Variants in RPRD2 observed in about 807,000 individuals in gnomAD.
RPRD2 encodes regulation of nuclear pre-mRNA domain containing 2.
A neutral mutation model predicts 104.4 loss-of-function variants in RPRD2; 12 were observed. The ratio of observed to expected loss-of-function variants is 0.11; its 90% confidence interval spans 0.07 to 0.19. RPRD2 has a LOEUF of 0.19. Ranked by LOEUF, RPRD2 falls within the 10% of genes least tolerant of loss-of-function variation. The pLI, the probability that RPRD2 is intolerant of heterozygous loss-of-function variation, is 1.00. For synonymous variants in RPRD2, 714 were observed against 684.9 expected, an observed-to-expected ratio of 1.04 and a Z score of -0.66; for missense variants, 1,543 against 1,790.1, an observed-to-expected ratio of 0.86 and a Z score of 2.49.
chr1:150,457,650 A>T (rs1166505403), intron 8 of RPRD2, 80 bp downstream of exon 8: 1 of 1,167,422 alleles, frequency 8.6e-7, no homozygotes, highest in African/African-American at 1.5e-5. Flanking sequence ...ACAGGCAGGT[A>T]TTGAAAGATA....
chr1:150,448,603 T>C (rs1336028915), intron 7 of RPRD2, among the ~76,000 whole-genome samples: 2 of 152,238 alleles, frequency 1.3e-5, no homozygotes, highest in African/African-American at 4.8e-5. Flanking sequence ...TCTGTAAACA[T>C]TGTTCATTGC....
intron 1 of RPRD2, among the ~76,000 whole-genome samples, chr1:150,400,119 T>C (rs1553885031): frequency 2.6e-5 from 4 of 152,224 alleles, no homozygotes; most frequent in African/African-American, 9.6e-5. Flanking sequence ...TAGGTGATAA[T>C]CTAAGTCTTT....
At chr1:150,427,267 G>T (rs587727795) in intron 2 of RPRD2, among the ~76,000 whole-genome samples, 1 of 152,332 alleles carries the variant, frequency 6.6e-6, no homozygotes, top group Admixed American at 6.5e-5. Flanking sequence ...GAGGTCCGGA[G>T]ATCGAGACCA....
At position 150,437,977 on chromosome 1, in the gene RPRD2, TAAAAAA is replaced by T. The variant is rs35517552; in HGVS notation, c.336-2931_336-2926del. ...TGCTGAGATTCTTTCTGTCATTATT[TAAAAAA>T]AAAAAAAAAAAAAAGTTGAGCCAGG... is the stretch of plus-strand genomic sequence containing the variant. On this transcript the variant is annotated intron_variant, in intron 2 of 10. Coordinates refer to ENST00000369068, the MANE Select transcript of RPRD2 (RefSeq NM_015203.5). Among the ~76,000 whole-genome samples, 157 of 129,628 alleles carry T rather than the reference TAAAAAA, an allele frequency of 1.2e-3. 1 individual carries two copies. Among genetic ancestry groups the T allele is most frequent in the African/African-American group, 4.3e-3 (150 of 35,198 alleles). The allele number at this position is 129,628 out of a possible 152,430, so 85.0% of individuals were successfully genotyped here.
intron 2 of RPRD2, among the ~76,000 whole-genome samples, chr1:150,430,373 G>A (rs958135052): frequency 3.9e-5 from 6 of 152,076 alleles, no homozygotes; most frequent in South Asian, 4.1e-4. Flanking sequence ...AAGGAGTGGG[G>A]AAAATGAAAA....
At position 150,446,875 on chromosome 1, in the gene RPRD2, G is replaced by T. The variant is rs369872019; in HGVS notation, c.870+474G>T. On this transcript the variant is annotated intron_variant, in intron 7 of 10. Transcript: ENST00000369068. ...TGGAACGGAGTTTGTCGCTCTTGTT[G>T]CCCAGGCTAGAGTGCAGTGGTGCAA... 1.7e-4 allele frequency among the ~76,000 whole-genome samples: 20 copies of T among 117,156 alleles called. No individual in the cohort carries two copies. In the South Asian group the frequency reaches 3.5e-3, roughly 21 times the overall value. The allele number at this position is 117,156 out of a possible 152,430, so 76.9% of individuals were successfully genotyped here. A position where few individuals can be genotyped will look rare whatever the true frequency, so the allele number is the denominator to read the frequency against.
intron 1 of RPRD2, among the ~76,000 whole-genome samples, chr1:150,408,406 G>A (rs1195509483): frequency 4.6e-5 from 7 of 151,764 alleles, no homozygotes; most frequent in East Asian, 3.9e-4. Context: ...TATCCGCCTC[G>A]GCCTCCCAAA....
At chr1:150,423,426 G>A (rs1357714723) in intron 2 of RPRD2, among the ~76,000 whole-genome samples, 2 of 151,986 alleles carry the variant, frequency 1.3e-5, no homozygotes, top group Non-Finnish European at 2.9e-5. Context: ...CCTATCCCAG[G>A]TTTTCGTAAA....
At chr1:150,417,406 A>G (rs1037779141) in intron 1 of RPRD2, among the ~76,000 whole-genome samples, 190 bp from the exon 2 acceptor site, 1 of 152,002 alleles carries the variant, frequency 6.6e-6, no homozygotes, top group Admixed American at 6.6e-5. Flanking sequence ...CCTTCCATCC[A>G]TTAGTTCATT....
At chr1:150,424,390 A>G (rs879949513) in intron 2 of RPRD2, among the ~76,000 whole-genome samples, 10 of 151,914 alleles carry the variant, frequency 6.6e-5, no homozygotes, top group Admixed American at 4.6e-4. Context: ...CCTGGGTTCA[A>G]GCGATTCTCC....
chr1:150,376,514 T>C (rs1660702410), intron 1 of RPRD2, among the ~76,000 whole-genome samples: 1 of 151,878 alleles, frequency 6.6e-6, no homozygotes. Context: ...TTTTTTTTTT[T>C]GAGACGGAAT....
chr1:150,471,633 C>T lies in RPRD2; in HGVS notation c.2685C>T (p.Ala895=). ...CTGCCTTCCCTCCATCTGTAAGGGC[C>T]CTCCTGGACTCTAGTGAGAACTGTG... ...VKSAFPPSVR[A]LLDSSENCDR... Residue 895 remains alanine, a synonymous_variant, in exon 11 of 11, where the codon GCC becomes GCT. Coordinates refer to ENST00000369068, the MANE Select transcript of RPRD2 (RefSeq NM_015203.5). The surrounding 1 kb of genome is among the most constrained non-coding windows in gnomAD (Gnocchi z 5.3). 6.2e-7 allele frequency: 1 copy of T among 1,613,806 alleles called. No homozygotes were observed. The highest frequency in any genetic ancestry group is 1.6e-4 in the Middle Eastern group (1 of 6,062).
chr1:150,417,924 T>C (rs116344843), intron 2 of RPRD2, among the ~76,000 whole-genome samples, 199 bp downstream of exon 2: 135 of 127,268 alleles, frequency 1.1e-3, no homozygotes, highest in Middle Eastern at 3.8e-3. Context: ...CTCTCTCTCT[T>C]TCTTTCTTTC....
rs782069949 is a variant in RPRD2 at position 150,366,334 on chromosome 1, C to T, written c.205+1415C>T. The stretch of plus-strand genomic sequence containing the variant: ...GATAAAACTTGCAAAATTATAGGCC[C>T]CATGCTTCGAACTATTTGTGTTTAA... On this transcript the variant is annotated intron_variant, in intron 1 of 10. Coordinates refer to ENST00000369068, the MANE Select transcript of RPRD2 (RefSeq NM_015203.5). 1.2e-3 allele frequency among the ~76,000 whole-genome samples: 176 copies of T among 152,278 alleles called. 1 individual carries two copies. Among genetic ancestry groups the T allele is most frequent in the South Asian group, 2.7e-3 (13 of 4,822 alleles).
chr1:150,444,609 C>T (rs1231022437), intron 6 of RPRD2, among the ~76,000 whole-genome samples: 1 of 152,178 alleles, frequency 6.6e-6, no homozygotes, highest in Non-Finnish European at 1.5e-5. Flanking sequence ...TTGTATTTCA[C>T]ATGTATGGTT....
rs782120694 is a variant in RPRD2 at position 150,461,192 on chromosome 1, G to A, written c.1411+875G>A. 9.9e-5 allele frequency among the ~76,000 whole-genome samples: 15 copies of A among 151,380 alleles called. 1 individual carries two copies. Among genetic ancestry groups the A allele is most frequent in the African/African-American group, 2.7e-4 (11 of 41,304 alleles). On this transcript the variant is annotated intron_variant, in intron 9 of 10. Coordinates refer to ENST00000369068, the MANE Select transcript of RPRD2 (RefSeq NM_015203.5). ...GTAGATTGCCTGAGGCCAGGAGTTC[G>A]AGACCAGCCTTGGCAATATAGTGAG... is the stretch of plus-strand genomic sequence containing the variant.
At chr1:150,457,670 T>C (rs1667629510) in intron 8 of RPRD2, 100 bp downstream of exon 8, 2 of 1,040,204 alleles carry the variant, frequency 1.9e-6, no homozygotes, top group Non-Finnish European at 1.4e-6. Flanking sequence ...AGTTCATTTC[T>C]TAAAAGATAG....
chr1:150,462,214 G>A (rs1423163880), intron 9 of RPRD2, among the ~76,000 whole-genome samples: 5 of 151,946 alleles, frequency 3.3e-5, no homozygotes, highest in South Asian at 2.1e-4. Flanking sequence ...CCTGGGAGGC[G>A]GGGGTTGCAG....
intron 1 of RPRD2, among the ~76,000 whole-genome samples, chr1:150,415,198 G>A (rs1664244206): frequency 6.6e-6 from 1 of 152,016 alleles, no homozygotes; most frequent in Non-Finnish European, 1.5e-5. Flanking sequence ...GGGCTTGGTG[G>A]CAGGTGCCTG....
Sources: allele counts gnomAD v4.1 joint callset (sites outside exome capture counted in the v4.1 genomes callset), GRCh38; gene constraint gnomAD v4.1.1; non-coding constraint Gnocchi (gnomAD v3.1); transcripts MANE v1.5; gene names NCBI Gene and HGNC (gene_info 2026-07-23, HGNC 2026-07-21).